The following GGA3 variants were observed in gnomAD, a reference collection of about 807,000 sequenced individuals.
GGA3 encodes ADP-ribosylation factor-binding protein GGA3.
In GGA3, 57 loss-of-function variants were observed where a neutral mutation model predicts 77.5. The ratio of observed to expected loss-of-function variants is 0.74; its 90% CI spans 0.59 to 0.92. GGA3 has a LOEUF of 0.92. Among genes scored for constraint, GGA3 ranks in the 40% least tolerant of loss-of-function variants. GGA3 has a pLI of 0.00. For synonymous variants in GGA3, 416 were observed against 383.7 expected (o/e 1.08, Z -0.98); for missense variants, 970 against 914.9 (o/e 1.06, Z -0.78).
In GGA3 at chr17:75,244,366, T is replaced by C. The variant is rs545791857; in HGVS notation, c.300+253A>G. The C allele has an allele frequency of 3.8e-4, 163 of 433,926 alleles. No homozygotes were observed. In the Middle Eastern group the frequency reaches 4.8e-3, roughly 13 times the overall value. The allele number at this position is 433,926 out of a possible 1,614,324, so 26.9% of individuals were successfully genotyped here. On this transcript the variant is annotated intron_variant, in intron 4 of 16. Coordinates refer to ENST00000537686, the MANE Select transcript of GGA3 (RefSeq NM_138619.4). ...CTAGAGTCCCACACTACATGGGCCCTCACCCTGGACAAACACACAGCCACT... is the reference window on the plus strand; with the variant it reads ...CTAGAGTCCCACACTACATGGGCCCCCACCCTGGACAAACACACAGCCACT...
intron 13 of GGA3, 52 bp from the exon 14 acceptor site, chr17:75,239,623 GGACTCTCACCCAAGGCCCCT>G: frequency 6.7e-7 from 1 of 1,486,918 alleles, no homozygotes; most frequent in Non-Finnish European, 9.2e-7. Context: ...CAGAGCTGCA[GGACTCTCACCCAAGGCCCCT>G]GACCATGCTC....
At chr17:75,260,426 TC>T (rs1408296439) in intron 1 of GGA3, among the ~76,000 whole-genome samples, 1 of 152,212 alleles carries the variant, frequency 6.6e-6, no homozygotes, top group Non-Finnish European at 1.5e-5. Context: ...GGAGAACACT[TC>T]CATATATAAA....
Position 75,242,921 on chromosome 17 carries a change from G to A in GGA3, c.529-10C>T. The A allele has an allele frequency of 6.2e-7, 1 of 1,607,568 alleles. No homozygotes were observed. The highest frequency in any genetic ancestry group is 8.5e-7 in the Non-Finnish European group (1 of 1,173,992). On this transcript the variant is annotated splice_polypyrimidine_tract_variant and intron_variant, in intron 6 of 16. Coordinates refer to ENST00000537686, the MANE Select transcript of GGA3 (RefSeq NM_138619.4). ...GCAGCTTGGCTAAAAGCTGAGAGAG[G>A]AGGAAATCAGAGGTGAAGGGAAGAG...
intron 1 of GGA3, among the ~76,000 whole-genome samples, chr17:75,254,302 C>T (rs2077067941): frequency 6.6e-6 from 1 of 152,126 alleles, no homozygotes; most frequent in African/African-American, 2.4e-5. Context: ...CCTTTTATCA[C>T]CTCCCCTCCT....
chr17:75,257,271 A>C, intron 1 of GGA3, among the ~76,000 whole-genome samples: 1 of 100,786 alleles, frequency 9.9e-6, no homozygotes, highest in Non-Finnish European at 1.8e-5. Flanking sequence ...AGACCAACTT[A>C]GACTGTGCCC....
intron 8 of GGA3, chr17:75,242,068 C>T: frequency 1.8e-6 from 1 of 565,262 alleles, no homozygotes. Flanking sequence ...AGGGAGAGAG[C>T]AGGGGTGAGC....
chr17:75,241,500 G>A lies in GGA3; in HGVS notation c.846C>T (p.Ala282=), dbSNP rs749339784. The A allele has an allele frequency of 2.0e-5, 33 of 1,613,090 alleles. No individual in the cohort carries two copies. In the Admixed American group the frequency reaches 5.3e-4, roughly 26 times the overall value. The change falls in exon 10 of 17, where the codon GCC becomes GCT. Residue 282 remains alanine (A), a synonymous_variant. Coordinates refer to ENST00000537686, the MANE Select transcript of GGA3 (RefSeq NM_138619.4). ...TGATGACCCGGGAGAGGTTGTCACTGGCTTGCAGGATGTCCCCTGGAGCAG... is the reference window on the plus strand; with the variant it reads ...TGATGACCCGGGAGAGGTTGTCACTAGCTTGCAGGATGTCCCCTGGAGCAG... ...NDNSLGDILQ[A]SDNLSRVINS...
intron 7 of GGA3, 25 bp from the exon 8 acceptor site, chr17:75,242,498 G>C (rs1175706362): frequency 6.2e-7 from 1 of 1,613,968 alleles, no homozygotes; most frequent in Non-Finnish European, 8.5e-7. Context: ...AAGTTCAAGA[G>C]AAAGAGAGCG....
intron 1 of GGA3, among the ~76,000 whole-genome samples, chr17:75,249,555 A>C (rs1223725289): frequency 6.6e-6 from 1 of 152,148 alleles, no homozygotes; most frequent in African/African-American, 2.4e-5. Context: ...AATTGTCTGA[A>C]ATTTCCTCAG....
chr17:75,258,746 C>G (rs186387245), intron 1 of GGA3, among the ~76,000 whole-genome samples: 2 of 151,950 alleles, frequency 1.3e-5, no homozygotes, highest in East Asian at 3.9e-4. Flanking sequence ...AACTTCCCAG[C>G]CTTATCTTCC....
chr17:75,241,730 A>G, intron 8 of GGA3, 34 bp from the exon 9 acceptor site: 2 of 1,562,332 alleles, frequency 1.3e-6, no homozygotes, highest in African/African-American at 1.4e-5. Flanking sequence ...ATCAAACCAC[A>G]AAGGCCCTTA....
At chr17:75,248,051 C>T (rs2076815807) in intron 1 of GGA3, among the ~76,000 whole-genome samples, 1 of 152,186 alleles carries the variant, frequency 6.6e-6, no homozygotes, top group Admixed American at 6.5e-5. Context: ...TAAAACACTC[C>T]TGCTCCCTCC....
chr17:75,243,453 T>G lies in GGA3; in HGVS notation c.418A>C (p.Arg140=), dbSNP rs764899370. ...KIKDAYHMLK[R]QGIVQSDPPI... is the part of the protein sequence containing the mutation. The stretch of plus-strand genomic sequence containing the variant: ...CGGGCAGGCAGACACGTACCCTGTC[T>G]CTTCAGCATGTGGTAGGCGTCTTTG... The change falls in exon 5 of 17, where the codon AGA becomes CGA. Residue 140 remains arginine (R), a synonymous_variant. Coordinates refer to ENST00000537686, the MANE Select transcript of GGA3 (RefSeq NM_138619.4). The G allele has an allele frequency of 1.8e-4, 290 of 1,614,074 alleles. No homozygotes were observed. Among genetic ancestry groups the G allele is most frequent in the Non-Finnish European group, 2.4e-4 (287 of 1,180,042 alleles).
At chr17:75,252,813 G>A (rs1380164951) in intron 1 of GGA3, among the ~76,000 whole-genome samples, 3 of 152,098 alleles carry the variant, frequency 2.0e-5, no homozygotes, top group African/African-American at 7.2e-5. Context: ...CCACCCTTAA[G>A]AAGGTTCTTC....
chr17:75,237,258 G>A lies in GGA3; in HGVS notation c.*1021C>T. 1 of 604,592 alleles carries A rather than the reference G, an allele frequency of 1.7e-6. No homozygotes were observed. 37.5% of individuals were successfully genotyped at this position (604,592 alleles called of 1,614,324 possible). A position where few individuals can be genotyped will look rare whatever the true frequency, so the allele number is the denominator to read the frequency against. ...AACATCTCGCTGACAGTGCCCCTCA[G>A]TAGCTGGGGAACAGTTGAGGTTTCT... On this transcript the variant is annotated 3_prime_UTR_variant, in exon 17 of 17. Transcript: ENST00000537686.
intron 1 of GGA3, among the ~76,000 whole-genome samples, chr17:75,260,027 T>C (rs2077296749): frequency 6.6e-6 from 1 of 152,146 alleles, no homozygotes; most frequent in Non-Finnish European, 1.5e-5. Context: ...CGTGTGCCTA[T>C]AGTCCCAGCT....
Position 75,237,928 on chromosome 17 carries a change from A to ACCCCCCC in GGA3, c.*350_*351insGGGGGGG, listed in dbSNP as rs1240525391. ...CTCTCTTTAGAGACTCCCACCCCCC[A>ACCCCCCC]CCCCCCACCCCAGTGGCTTCAGTGA... On this transcript the variant is annotated 3_prime_UTR_variant, in exon 17 of 17. Transcript: ENST00000537686. The ACCCCCCC allele has an allele frequency of 3.6e-5, 12 of 331,700 alleles. No individual in the cohort carries two copies. The highest frequency in any genetic ancestry group is 1.0e-4 in the Admixed American group (1 of 9,850). The allele number at this position is 331,700 out of a possible 1,614,324, so 20.5% of individuals were successfully genotyped here. A position where few individuals can be genotyped will look rare whatever the true frequency, so the allele number is the denominator to read the frequency against.
intron 1 of GGA3, among the ~76,000 whole-genome samples, chr17:75,252,131 G>C (rs1303514625): frequency 6.6e-6 from 1 of 151,730 alleles, no homozygotes; most frequent in African/African-American, 2.4e-5. Flanking sequence ...CCAGGTTGGA[G>C]TGCAGTGGCT....
intron 1 of GGA3, among the ~76,000 whole-genome samples, chr17:75,259,779 T>G (rs535169279): frequency 7.6e-6 from 1 of 132,146 alleles, no homozygotes; most frequent in South Asian, 2.5e-4. Context: ...TCACATTAAG[T>G]CGTAACAACT....
Sources: allele counts gnomAD v4.1 joint callset (sites outside exome capture counted in the v4.1 genomes callset), GRCh38; gene constraint gnomAD v4.1.1; transcripts MANE v1.5; gene names NCBI Gene and HGNC (gene_info 2026-07-23, HGNC 2026-07-21).